ST7: variants seen among roughly 807,000 people sequenced by gnomAD.
ST7 encodes the protein suppression of tumorigenicity 7.
Under a neutral mutation model 78.7 loss-of-function variants are expected in ST7, and 28 were observed. The ratio of observed to expected loss-of-function variants is 0.36; its 90% CI spans 0.26 to 0.49. ST7 has a LOEUF of 0.49. Among genes scored for constraint, ST7 ranks in the 20% least tolerant of loss-of-function variants. The pLI is 0.99. For missense variants in ST7, 418 were observed against 696.0 expected (o/e 0.60, Z 4.49); for synonymous variants, 247 against 249.6 (o/e 0.99, Z 0.10).
chr7:117,129,922 G>T (rs1464867842), intron 4 of ST7, 75 bp downstream of exon 4: 1 of 1,177,900 alleles, frequency 8.5e-7, no homozygotes, highest in African/African-American at 1.6e-5. Context: ...GTTTTTGCTG[G>T]TTCATTTAGG....
At chr7:117,218,076 T>C (rs1460246670) in intron 13 of ST7, among the ~76,000 whole-genome samples, 1 of 152,206 alleles carries the variant, frequency 6.6e-6, no homozygotes, top group Non-Finnish European at 1.5e-5. Context: ...GACAGCATTT[T>C]GAGAAGGCTC....
intron 9 of ST7, among the ~76,000 whole-genome samples, chr7:117,154,282 G>T (rs1806514250): frequency 6.6e-6 from 1 of 152,180 alleles, no homozygotes; most frequent in Non-Finnish European, 1.5e-5. Flanking sequence ...AAACCAGGAA[G>T]AGGGCCCTCA....
rs140664695 is a variant in ST7 at position 117,224,466 on chromosome 7, C to T, written c.1638+2404C>T. On this transcript the variant is annotated intron_variant, in intron 15 of 15. Coordinates refer to ENST00000323984, the MANE Select transcript of ST7 (RefSeq NM_001369598.1). Reference sequence around the variant, plus strand: ...CCAATCTCTGAGTAAAAGTAGTTGCCAAAACTCTGAGTAGAGTGTGACTTA... The same window carrying T: ...CCAATCTCTGAGTAAAAGTAGTTGCTAAAACTCTGAGTAGAGTGTGACTTA... Among the ~76,000 whole-genome samples, 219 of 152,174 alleles carry T rather than the reference C, an allele frequency of 1.4e-3. 3 individuals carry two copies. In the East Asian group the frequency reaches 0.035, roughly 24 times the overall value.
At chr7:117,043,830 A>G (rs1291451504) in intron 1 of ST7, among the ~76,000 whole-genome samples, 2 of 152,242 alleles carry the variant, frequency 1.3e-5, no homozygotes, top group African/African-American at 4.8e-5. Flanking sequence ...AGCAAGTATT[A>G]TTTCCATTCT....
At chr7:117,224,225 C>T (rs894803827) in intron 15 of ST7, among the ~76,000 whole-genome samples, 2 of 152,200 alleles carry the variant, frequency 1.3e-5, no homozygotes, top group Non-Finnish European at 2.9e-5. Flanking sequence ...GTACACCAAG[C>T]AGCCCTCCTT....
intron 1 of ST7, among the ~76,000 whole-genome samples, chr7:117,011,366 A>G (rs1795376988): frequency 6.6e-6 from 1 of 152,172 alleles, no homozygotes; most frequent in African/African-American, 2.4e-5. Flanking sequence ...AGTGGGGGCT[A>G]GAAAAGGAGT....
At chr7:117,200,883 A>G (rs943894646) in intron 12 of ST7, among the ~76,000 whole-genome samples, 2 of 150,024 alleles carry the variant, frequency 1.3e-5, no homozygotes, top group East Asian at 3.9e-4. Flanking sequence ...CTCTAATTTC[A>G]TGGGGATTTC....
At chr7:117,099,979 G>C in intron 2 of ST7, 135 bp downstream of exon 2, 1 of 550,230 alleles carries the variant, frequency 1.8e-6, no homozygotes, top group Non-Finnish European at 3.0e-6. Context: ...ATATATGTTG[G>C]GGAGTGGACT....
chr7:116,981,481 T>C (rs1010092610), intron 1 of ST7, among the ~76,000 whole-genome samples: 20 of 152,222 alleles, frequency 1.3e-4, no homozygotes, highest in African/African-American at 4.8e-4. Flanking sequence ...GTTTTTCTCA[T>C]AGAATCCTAT....
At chr7:117,177,146 G>T (rs1267201140) in intron 10 of ST7, among the ~76,000 whole-genome samples, 1 of 152,216 alleles carries the variant, frequency 6.6e-6, no homozygotes, top group Non-Finnish European at 1.5e-5. Flanking sequence ...ATGCTCTACA[G>T]ATTTGGACAC....
chr7:117,122,946 G>T (rs553265642), intron 3 of ST7, among the ~76,000 whole-genome samples: 12 of 152,220 alleles, frequency 7.9e-5, no homozygotes, highest in African/African-American at 2.6e-4. Flanking sequence ...GTATCAAGAA[G>T]GTCCAAAGCT....
At chr7:117,097,908 A>ATATATATTTTTTTTTTTTTT in intron 1 of ST7, among the ~76,000 whole-genome samples, 1 of 30,012 alleles carries the variant, frequency 3.3e-5, no homozygotes, top group Non-Finnish European at 5.4e-5. Context: ...ATATATATAT[A>ATATATATTTTTTTTTTTTTT]TTTTTTTTTT....
In ST7 at chr7:116,953,643, G is replaced by A; in HGVS notation, c.103G>A (p.Val35Ile). 1 of 1,504,256 alleles carries A rather than the reference G, an allele frequency of 6.6e-7. No individual in the cohort carries two copies. 93.2% of individuals were successfully genotyped at this position (1,504,256 alleles called of 1,614,324 possible). A position where few individuals can be genotyped will look rare whatever the true frequency, so the allele number is the denominator to read the frequency against. ...TVWFFIVLFLVYILRVPLKIN... is the reference protein window; with the variant it reads ...TVWFFIVLFLIYILRVPLKIN... The stretch of plus-strand genomic sequence containing the variant: ...GTGGTTCTTCATCGTGCTATTCCTG[G>A]TCTACATCCTGCGGGTGCCTTTGAA... The change falls in exon 1 of 16, where the codon GTC (valine) becomes ATC (isoleucine). Residue 35 changes from valine (V) to isoleucine (I), a missense_variant. Physicochemically the swap from Val to Ile is conservative, Grantham distance 29. Coordinates refer to ENST00000323984, the MANE Select transcript of ST7 (RefSeq NM_001369598.1).
At position 117,020,523 on chromosome 7, in the gene ST7, A is replaced by G. The variant is rs1270111573; in HGVS notation, c.151+66832A>G. 2.7e-6 allele frequency: 4 copies of G among 1,508,146 alleles called. No individual in the cohort carries two copies. In the African/African-American group the frequency reaches 5.6e-5, roughly 21 times the overall value. The allele number at this position is 1,508,146 out of a possible 1,614,324, so 93.4% of individuals were successfully genotyped here. ...GTAGCCGGCTCATCTCTTCACTCTC[A>G]CATGTACACTCTCCTCGCTTTTCTT... is the stretch of plus-strand genomic sequence containing the variant. On this transcript the variant is annotated intron_variant, in intron 1 of 15. Transcript: ENST00000323984.
At chr7:117,191,720 G>T (rs989556283) in intron 12 of ST7, 1 of 152,172 alleles carries the variant, frequency 6.6e-6, no homozygotes, top group African/African-American at 2.4e-5. Flanking sequence ...CCGCTATTAA[G>T]TACATTTTGG....
intron 1 of ST7, among the ~76,000 whole-genome samples, chr7:117,044,241 G>C (rs1223504365): frequency 1.3e-5 from 2 of 152,138 alleles, no homozygotes; most frequent in African/African-American, 4.8e-5. Flanking sequence ...CTTGCATGAG[G>C]GTATCTTTCC....
chr7:117,124,178 C>T (rs1289987900), intron 3 of ST7, among the ~76,000 whole-genome samples: 1 of 152,066 alleles, frequency 6.6e-6, no homozygotes, highest in African/African-American at 2.4e-5. Context: ...AGACCTTCGT[C>T]GGTCCCAAAT....
chr7:117,146,306 C>CT (rs1218237692), intron 9 of ST7: 3 of 152,208 alleles, frequency 2.0e-5, no homozygotes, highest in Non-Finnish European at 2.9e-5. Context: ...TTCAAAGGCC[C>CT]TGAGGCAGCA....
At chr7:116,995,602 G>A (rs1794617797) in intron 1 of ST7, among the ~76,000 whole-genome samples, 1 of 152,176 alleles carries the variant, frequency 6.6e-6, no homozygotes, top group Non-Finnish European at 1.5e-5. Context: ...AGACTGTAAT[G>A]TCTAGTGTTT....
Sources: gnomAD v4.1 joint callset for allele counts (sites outside exome capture counted in the v4.1 genomes callset) on GRCh38, gnomAD v4.1.1 for gene constraint, MANE v1.5 for transcripts, NCBI Gene and HGNC (gene_info 2026-07-23, HGNC 2026-07-21) for gene names.